The following ANO10 variants were observed in gnomAD, a reference collection of about 807,000 sequenced individuals.
The protein encoded by ANO10 is anoctamin-10.
A neutral mutation model predicts 74.7 loss-of-function variants in ANO10; 77 were observed. The observed-to-expected ratio is 1.03, with a 90% CI of 0.86 to 1.25. ANO10 has a LOEUF of 1.25. Ranked by LOEUF, ANO10 falls within the 50% of genes most tolerant of loss-of-function variation. The pLI is 0.00. For missense variants in ANO10, 721 were observed against 778.1 expected (o/e 0.93, Z 0.87); for synonymous variants, 279 against 284.9 (o/e 0.98, Z 0.21).
intron 11 of ANO10, among the ~76,000 whole-genome samples, chr3:43,483,900 C>A (rs1396297692): frequency 3.3e-5 from 5 of 152,082 alleles, no homozygotes; most frequent in Non-Finnish European, 5.9e-5. Flanking sequence ...AAAAGAAATG[C>A]CTGAGTTAAG....
chr3:43,396,375 G>A (rs560403996), intron 12 of ANO10, among the ~76,000 whole-genome samples: 16 of 151,636 alleles, frequency 1.1e-4, no homozygotes, highest in African/African-American at 3.9e-4. Context: ...GTCTCGCTCT[G>A]TCGCCCAGGC....
chr3:43,405,010 T>C (rs1425651901), intron 12 of ANO10, among the ~76,000 whole-genome samples: 2 of 151,668 alleles, frequency 1.3e-5, no homozygotes, highest in African/African-American at 4.9e-5. Context: ...ATACATGAAA[T>C]AGTTGAGCAG....
chr3:43,458,375 T>C (rs1325358647), intron 11 of ANO10, among the ~76,000 whole-genome samples: 1 of 152,194 alleles, frequency 6.6e-6, no homozygotes, highest in Non-Finnish European at 1.5e-5. Context: ...GTTTTTTCCT[T>C]CTTGGAAGGA....
At chr3:43,589,754 C>T (rs1391498746) in intron 4 of ANO10, among the ~76,000 whole-genome samples, 22 of 152,050 alleles carry the variant, frequency 1.4e-4, no homozygotes, top group Admixed American at 1.4e-3. Context: ...TTAATGAAAA[C>T]ATTGAAGGAA....
chr3:43,509,236 G>A (rs558507705), intron 11 of ANO10, among the ~76,000 whole-genome samples: 63 of 151,932 alleles, frequency 4.1e-4, no homozygotes, highest in African/African-American at 1.4e-3. Context: ...AGGGAGGGGA[G>A]AGGGATAGCA....
chr3:43,395,534 GAA>G (rs1282308041), intron 12 of ANO10, among the ~76,000 whole-genome samples: 1 of 151,974 alleles, frequency 6.6e-6, no homozygotes, highest in South Asian at 2.1e-4. Flanking sequence ...ACCGTTTATT[GAA>G]AAGACTATTC....
chr3:43,483,151 C>A (rs1244777787), intron 11 of ANO10, among the ~76,000 whole-genome samples: 1 of 152,170 alleles, frequency 6.6e-6, no homozygotes, highest in Non-Finnish European at 1.5e-5. Flanking sequence ...TGCCACAAGG[C>A]AGGAATTCAA....
intron 11 of ANO10, among the ~76,000 whole-genome samples, chr3:43,461,521 T>A (rs147110455): frequency 8.1e-4 from 124 of 152,256 alleles, no homozygotes; most frequent in African/African-American, 2.8e-3. Context: ...CAGTGGGAGG[T>A]AACTGAATCA....
chr3:43,408,037 G>A (rs1316029630), intron 12 of ANO10, among the ~76,000 whole-genome samples: 1 of 152,190 alleles, frequency 6.6e-6, no homozygotes, highest in Admixed American at 6.5e-5. Flanking sequence ...CTGGAGTGGA[G>A]AGAAGAGAGA....
At position 43,574,819 on chromosome 3, in the gene ANO10, T is replaced by C; in HGVS notation, c.1208A>G (p.Lys403Arg). ...ESAYQNHLILKVLVFNFLNCF... is the reference protein window; with the variant it reads ...ESAYQNHLILRVLVFNFLNCF... The stretch of plus-strand genomic sequence containing the variant: ...AAACGCTGTACTTACCACTAAAACT[T>C]TCAGAATTAGATGGTTCTGATAGGC... The change falls in exon 7 of 13, where the codon AAA (lysine) becomes AGA (arginine). Residue 403 changes from lysine (K) to arginine (R), a missense_variant. Coordinates refer to ENST00000292246, the MANE Select transcript of ANO10 (RefSeq NM_018075.5). 1 of 1,613,880 alleles carries C rather than the reference T, an allele frequency of 6.2e-7. No individual in the cohort carries two copies. Among genetic ancestry groups the C allele is most frequent in the Non-Finnish European group, 8.5e-7 (1 of 1,179,780 alleles).
At chr3:43,414,886 T>C (rs754066295) in intron 12 of ANO10, among the ~76,000 whole-genome samples, 2 of 151,798 alleles carry the variant, frequency 1.3e-5, no homozygotes, top group Non-Finnish European at 2.9e-5. Flanking sequence ...CTAATTGATA[T>C]GGTAGAAAAG....
At position 43,629,749 on chromosome 3, in the gene ANO10, T is replaced by C. The variant is rs1275318306; in HGVS notation, c.-11-23886A>G. On this transcript the variant is annotated intron_variant, in intron 1 of 3. Transcript: ENST00000413397. Reference sequence around the variant, plus strand: ...TTGATAACTGAGGTAGGGAAAACTATAGGAAAATCAGATTTGGGAGAAATT... The same window carrying C: ...TTGATAACTGAGGTAGGGAAAACTACAGGAAAATCAGATTTGGGAGAAATT... 2.6e-5 allele frequency among the ~76,000 whole-genome samples: 4 copies of C among 152,164 alleles called. No individual in the cohort carries two copies. In the South Asian group the frequency reaches 8.3e-4, roughly 31 times the overall value.
intron 4 of ANO10, among the ~76,000 whole-genome samples, chr3:43,591,140 ATTCT>A (rs1342928750): frequency 6.6e-6 from 1 of 152,150 alleles, no homozygotes; most frequent in Non-Finnish European, 1.5e-5. Context: ...GCAACTGCAC[ATTCT>A]TCTGGTCCGT....
intron 6 of ANO10, among the ~76,000 whole-genome samples, chr3:43,575,315 G>A (rs1224142860): frequency 6.6e-6 from 1 of 152,144 alleles, no homozygotes; most frequent in Non-Finnish European, 1.5e-5. Flanking sequence ...ACCTAGAAAA[G>A]GTAATACTGC....
intron 1 of ANO10, among the ~76,000 whole-genome samples, chr3:43,617,684 T>C (rs1488701766): frequency 6.6e-6 from 1 of 151,840 alleles, no homozygotes; most frequent in Non-Finnish European, 1.5e-5. Context: ...AAAAGAATAA[T>C]GGATTCTTTA....
chr3:43,390,345 C>A (rs768010559), intron 12 of ANO10, among the ~76,000 whole-genome samples: 81 of 152,336 alleles, frequency 5.3e-4, no homozygotes, highest in Non-Finnish European at 1.1e-3. Flanking sequence ...GCTGTGCAGG[C>A]AGCTCTGGGA....
chr3:43,443,475 G>A (rs2888312), intron 11 of ANO10, among the ~76,000 whole-genome samples: 28,138 of 151,980 alleles, frequency 0.19, 3,127 homozygotes, highest in Middle Eastern at 0.35. Context: ...GGGAGATCAG[G>A]GAGACCTTGA....
intron 12 of ANO10, among the ~76,000 whole-genome samples, chr3:43,417,516 T>TAG (rs2092759496): frequency 6.6e-6 from 1 of 152,098 alleles, no homozygotes; most frequent in Admixed American, 6.6e-5. Context: ...CCTCTCTTAC[T>TAG]AGAGAGAGAG....
intron 12 of ANO10, among the ~76,000 whole-genome samples, chr3:43,430,067 T>C (rs1282480763): frequency 6.6e-6 from 1 of 152,148 alleles, no homozygotes; most frequent in East Asian, 1.9e-4. Context: ...ACATGCGAAA[T>C]GTGGTATTTC....
Sources: allele counts gnomAD v4.1 joint callset (sites outside exome capture counted in the v4.1 genomes callset), GRCh38; gene constraint gnomAD v4.1.1; transcripts MANE v1.5; gene names NCBI Gene and HGNC (gene_info 2026-07-23, HGNC 2026-07-21).